The following ATG7 variants were observed in gnomAD, a reference collection of about 807,000 sequenced individuals.
ATG7 encodes ubiquitin-like modifier-activating enzyme ATG7.
In ATG7, 70 loss-of-function variants were observed where a neutral mutation model predicts 82.4. The ratio of observed to expected loss-of-function variants is 0.85; its 90% CI spans 0.70 to 1.04. The LOEUF is 1.04. Ranked by LOEUF, ATG7 falls within the 50% of genes least tolerant of loss-of-function variation. The pLI is 0.00. For missense variants in ATG7, 792 were observed against 864.3 expected (o/e 0.92, Z 1.05); for synonymous variants, 287 against 313.0 (o/e 0.92, Z 0.88).
chr3:11,461,420 G>A (rs904290909), intron 20 of ATG7, among the ~76,000 whole-genome samples: 3 of 152,104 alleles, frequency 2.0e-5, no homozygotes, highest in East Asian at 3.9e-4. Context: ...TTTCCACGGC[G>A]TCTTTTCTTC....
intron 19 of ATG7, among the ~76,000 whole-genome samples, chr3:11,426,392 G>T (rs1008769595): frequency 2.0e-5 from 3 of 151,778 alleles, no homozygotes; most frequent in African/African-American, 7.3e-5. Context: ...AATATATTTG[G>T]CTAGCTCGTA....
At chr3:11,453,826 GA>G (rs1559657343) in intron 20 of ATG7, among the ~76,000 whole-genome samples, 1 of 152,088 alleles carries the variant, frequency 6.6e-6, no homozygotes, top group East Asian at 1.9e-4. Flanking sequence ...GGGTGGGGGG[GA>G]CATCTGGAGC....
chr3:11,335,371 T>C (rs1436323477), intron 11 of ATG7, among the ~76,000 whole-genome samples: 2 of 152,138 alleles, frequency 1.3e-5, no homozygotes, highest in East Asian at 1.9e-4. Context: ...CTAACACTAA[T>C]GATAGCTGAT....
intron 20 of ATG7, among the ~76,000 whole-genome samples, chr3:11,535,228 C>T (rs936303445): frequency 6.6e-6 from 1 of 152,234 alleles, no homozygotes; most frequent in African/African-American, 2.4e-5. Flanking sequence ...CCCCCTCTAG[C>T]TCAGGCCAGT....
chr3:11,288,504 T>C (rs1944448992), intron 3 of ATG7: 1 of 152,232 alleles, frequency 6.6e-6, no homozygotes, highest in Non-Finnish European at 1.5e-5. Context: ...CTTTGTCTTC[T>C]TGCCATTGGG....
chr3:11,360,139 AG>A (rs1226297227), intron 15 of ATG7, among the ~76,000 whole-genome samples: 3 of 152,188 alleles, frequency 2.0e-5, no homozygotes, highest in African/African-American at 4.8e-5. Flanking sequence ...TCCATCTCCC[AG>A]GTTCAAGCAT....
chr3:11,551,848 A>G (rs1225477843), intron 20 of ATG7, among the ~76,000 whole-genome samples: 1 of 151,998 alleles, frequency 6.6e-6, no homozygotes, highest in Non-Finnish European at 1.5e-5. Flanking sequence ...TCCTGAGTTC[A>G]AGCCATTCTC....
the ATG7 span, among the ~76,000 whole-genome samples, chr3:11,571,655 A>C: frequency 6.6e-6 from 1 of 152,238 alleles, no homozygotes; most frequent in Admixed American, 6.5e-5. Flanking sequence ...CAACAGGGTA[A>C]GACCCTGTCT....
downstream of ATG7, chr3:11,558,465 CA>C: frequency 8.3e-6 from 10 of 1,210,026 alleles, no homozygotes; most frequent in Admixed American, 2.4e-5. Flanking sequence ...CCCCCCACCC[CA>C]CCCCCATGAT....
intron 20 of ATG7, among the ~76,000 whole-genome samples, chr3:11,543,762 C>T (rs984386598): frequency 5.3e-5 from 8 of 152,172 alleles, no homozygotes; most frequent in Non-Finnish European, 8.8e-5. Context: ...ATTAGCTAGG[C>T]GTGGTGGCGC....
At chr3:11,537,795 G>A (rs1027700362) in intron 20 of ATG7, among the ~76,000 whole-genome samples, 30 of 152,310 alleles carry the variant, frequency 2.0e-4, no homozygotes, top group Middle Eastern at 3.4e-3. Context: ...CTGTATGGTT[G>A]GTGGTAAAAT....
At chr3:11,458,742 A>G (rs906181245) in intron 20 of ATG7, among the ~76,000 whole-genome samples, 9 of 152,224 alleles carry the variant, frequency 5.9e-5, no homozygotes, top group African/African-American at 2.2e-4. Context: ...TTTCAACAAG[A>G]TAATTCTCTG....
chr3:11,429,495 CA>C (rs779332047), intron 20 of ATG7, among the ~76,000 whole-genome samples: 4 of 146,794 alleles, frequency 2.7e-5, no homozygotes, highest in Admixed American at 6.8e-5. Context: ...GACTCCATCT[CA>C]AAAAAAAAAT....
intron 18 of ATG7, among the ~76,000 whole-genome samples, chr3:11,377,094 A>G (rs1269178106): frequency 6.6e-6 from 1 of 152,148 alleles, no homozygotes; most frequent in East Asian, 1.9e-4. Context: ...CAGGCCTCAG[A>G]GCTGTGTATT....
intron 9 of ATG7, among the ~76,000 whole-genome samples, chr3:11,326,560 A>C (rs1950911284): frequency 6.6e-6 from 1 of 152,144 alleles, no homozygotes; most frequent in Non-Finnish European, 1.5e-5. Context: ...TGCCTTCCAG[A>C]GTGCTGGGAT....
chr3:11,553,217 C>G (rs1288118687), intron 20 of ATG7, among the ~76,000 whole-genome samples: 1 of 151,456 alleles, frequency 6.6e-6, no homozygotes, highest in Admixed American at 6.6e-5. Context: ...AGCTTGCTTG[C>G]TGTGTGATCT....
chr3:11,468,337 C>T (rs1340978957), intron 20 of ATG7, among the ~76,000 whole-genome samples: 2 of 152,140 alleles, frequency 1.3e-5, no homozygotes, highest in Non-Finnish European at 2.9e-5. Context: ...ACAGGCCAGC[C>T]CGCCACTTCC....
intron 20 of ATG7, among the ~76,000 whole-genome samples, chr3:11,429,402 A>G (rs1440875511): frequency 6.6e-6 from 1 of 152,078 alleles, no homozygotes; most frequent in Non-Finnish European, 1.5e-5. Flanking sequence ...AGGCTGAGGC[A>G]GGAGAGTGAC....
intron 20 of ATG7, among the ~76,000 whole-genome samples, chr3:11,514,866 A>T (rs1403873569): frequency 1.4e-5 from 2 of 143,050 alleles, no homozygotes; most frequent in Non-Finnish European, 3.0e-5. Flanking sequence ...TTGGAGAGAG[A>T]GTCTCGCTCT....
Sources: allele counts gnomAD v4.1 joint callset (sites outside exome capture counted in the v4.1 genomes callset), GRCh38; gene constraint gnomAD v4.1.1; transcripts MANE v1.5; gene names NCBI Gene and HGNC (gene_info 2026-07-23, HGNC 2026-07-21).